VAC14: variants seen among roughly 807,000 people sequenced by gnomAD.
The protein encoded by VAC14 is VAC14 component of PIKFYVE complex, also known as protein VAC14 homolog.
In VAC14, 47 loss-of-function variants were observed where a neutral mutation model predicts 85.3. The ratio of observed to expected loss-of-function variants is 0.55; its 90% CI spans 0.44 to 0.70. VAC14 has a LOEUF of 0.70. Among genes scored for constraint, VAC14 ranks in the 30% least tolerant of loss-of-function variants. The pLI, the probability that VAC14 is intolerant of heterozygous loss-of-function variation, is 0.00. For synonymous variants in VAC14, 447 were observed against 430.5 expected (o/e 1.04, Z -0.47); for missense variants, 861 against 1,004.3 (o/e 0.86, Z 1.93).
chr16:70,691,598 C>T (rs2053597354), intron 18 of VAC14: 1 of 985,366 alleles, frequency 1.0e-6, no homozygotes, highest in Non-Finnish European at 1.2e-6. Context: ...CCTGGCAGCA[C>T]CCTGAGCAGC....
In VAC14 at chr16:70,786,311, G is replaced by T. The variant is rs1181750716; in HGVS notation, c.159C>A (p.Ile53=). The part of the protein sequence containing the change: ...QNNTVQIKHV[I]QTLSQEFALS... ...GGGCAAACTCCTGGGACAGGGTCTG[G>T]ATCACATGCTTGATTTGCACGGTAT... Residue 53 remains isoleucine, a synonymous_variant, in exon 2 of 19, where the codon ATC becomes ATA. Coordinates refer to ENST00000261776, the MANE Select transcript of VAC14 (RefSeq NM_018052.5). 1.9e-6 allele frequency: 3 copies of T among 1,614,116 alleles called. No homozygotes were observed. Among genetic ancestry groups the T allele is most frequent in the Non-Finnish European group, 2.5e-6 (3 of 1,180,052 alleles).
At chr16:70,761,130 T>C (rs1198362929) in intron 12 of VAC14, 4 of 454,356 alleles carry the variant, frequency 8.8e-6, no homozygotes, top group East Asian at 7.0e-5. Flanking sequence ...GGTTGATACC[T>C]GCCTGTCCAT....
At chr16:70,799,145 A>G (rs890252381) in intron 1 of VAC14, among the ~76,000 whole-genome samples, 5 of 152,344 alleles carry the variant, frequency 3.3e-5, no homozygotes, top group African/African-American at 1.2e-4. Flanking sequence ...TCAAGCTACA[A>G]TAAAACCGGA....
chr16:70,712,053 G>A (rs1163945940), intron 14 of VAC14, among the ~76,000 whole-genome samples: 5 of 152,120 alleles, frequency 3.3e-5, no homozygotes, highest in African/African-American at 1.2e-4. Context: ...TGGAAGGGGA[G>A]GGGTTCTCCT....
At position 70,688,063 on chromosome 16, in the gene VAC14, G is replaced by A. The variant is rs1228347581; in HGVS notation, c.2214C>T (p.Ser738=). ...TEDSLKAAPK[S]QKADSPSIDY... ...CGATGCTAGGGGAGTCAGCTTTCTG[G>A]GACTTGGGGGCTGCCTTTAGACTGT... Residue 738 remains serine (S), a synonymous_variant, in exon 19 of 19, where the codon TCC becomes TCT. Coordinates refer to ENST00000261776, the MANE Select transcript of VAC14 (RefSeq NM_018052.5). The A allele has an allele frequency of 6.3e-7, 1 of 1,592,814 alleles. No individual in the cohort carries two copies. Among genetic ancestry groups the A allele is most frequent in the Non-Finnish European group, 8.6e-7 (1 of 1,167,360 alleles).
intron 12 of VAC14, chr16:70,747,006 C>T (rs188509637): frequency 3.9e-5 from 6 of 152,286 alleles, no homozygotes; most frequent in Non-Finnish European, 8.8e-5. Flanking sequence ...GAACTGCAAA[C>T]GTCTGTGCAC....
At chr16:70,714,933 C>G (rs2054128502) in intron 14 of VAC14, 1 of 152,398 alleles carries the variant, frequency 6.6e-6, no homozygotes, top group Non-Finnish European at 1.5e-5. Context: ...CCCTGGGCCC[C>G]ACTTCCCTCC....
intron 14 of VAC14, among the ~76,000 whole-genome samples, chr16:70,706,271 CAG>C (rs1283534690): frequency 6.6e-6 from 1 of 152,224 alleles, no homozygotes; most frequent in Admixed American, 6.5e-5. Flanking sequence ...CCAGGTCCCT[CAG>C]AGGCTGGGCT....
chr16:70,780,972 T>C (rs2143241222), intron 8 of VAC14, 33 bp from the exon 9 acceptor site: 1 of 1,612,476 alleles, frequency 6.2e-7, no homozygotes, highest in Non-Finnish European at 8.5e-7. Context: ...CGTGATCTGA[T>C]TTGGATGCCT....
At chr16:70,695,415 G>A in intron 17 of VAC14, 129 bp downstream of exon 17, 1 of 872,824 alleles carries the variant, frequency 1.1e-6, no homozygotes, top group Non-Finnish European at 1.8e-6. Flanking sequence ...CATTCCAGAA[G>A]CTTCCCTGGG....
At chr16:70,703,707 G>A (rs1461167466) in intron 14 of VAC14, among the ~76,000 whole-genome samples, 4 of 152,178 alleles carry the variant, frequency 2.6e-5, no homozygotes, top group African/African-American at 4.8e-5. Context: ...TGCTGGGGGC[G>A]GGACCAGCTT....
At chr16:70,688,621 C>T in intron 18 of VAC14, 1 of 985,562 alleles carries the variant, frequency 1.0e-6, no homozygotes, top group Non-Finnish European at 1.2e-6. Flanking sequence ...ACTCACTGTC[C>T]CTGGGAGGAG....
chr16:70,788,562 A>G (rs1012958917), intron 1 of VAC14, among the ~76,000 whole-genome samples: 1 of 152,210 alleles, frequency 6.6e-6, no homozygotes, highest in African/African-American at 2.4e-5. Flanking sequence ...GGATGGTTCT[A>G]CATCAACTTG....
rs1256246080 is a variant in VAC14 at position 70,763,004 on chromosome 16, G to A, written c.1182C>T (p.Thr394=). ...TAASTERAPV[T]LHLDGIVQVL... is the part of the protein sequence containing the mutation. ...CCTGCACGATCCCGTCGAGGTGAAG[G>A]GTCACTGGGGCTCTTTCAGTGCTGT... Residue 394 remains threonine, a synonymous_variant, in exon 11 of 19, where the codon ACC becomes ACT. Coordinates refer to ENST00000261776, the MANE Select transcript of VAC14 (RefSeq NM_018052.5). 2 of 1,614,220 alleles carry A rather than the reference G, an allele frequency of 1.2e-6. No homozygotes were observed.
chr16:70,772,010 G>T, intron 10 of VAC14, 99 bp downstream of exon 10: 1 of 1,101,986 alleles, frequency 9.1e-7, no homozygotes, highest in Non-Finnish European at 1.4e-6. Flanking sequence ...GCAGCCGCGA[G>T]TAGAATTTGC....
At chr16:70,739,410 G>A (rs926877221) in intron 13 of VAC14, among the ~76,000 whole-genome samples, 14 of 152,240 alleles carry the variant, frequency 9.2e-5, no homozygotes, top group African/African-American at 3.4e-4. Context: ...GCCGTGGCCT[G>A]AGGCCAGGAA....
At chr16:70,695,818 A>T in intron 16 of VAC14, 195 bp from the exon 17 acceptor site, 1 of 546,790 alleles carries the variant, frequency 1.8e-6, no homozygotes, top group East Asian at 3.0e-5. Context: ...TCCCCTGTTC[A>T]GGAGTTCCAG....
intron 3 of VAC14, 54 bp downstream of exon 3, chr16:70,785,648 G>A (rs2034013319): frequency 2.0e-6 from 3 of 1,502,716 alleles, no homozygotes; most frequent in African/African-American, 1.4e-5. Flanking sequence ...AGAAGGTCAA[G>A]TGAGGTGGGG....
At chr16:70,713,934 T>A (rs2054092783) in intron 14 of VAC14, 1 of 152,238 alleles carries the variant, frequency 6.6e-6, no homozygotes, top group South Asian at 2.1e-4. Context: ...GGCCTGTGTA[T>A]ACGTGGAGAA....
Sources: allele counts gnomAD v4.1 joint callset (sites outside exome capture counted in the v4.1 genomes callset), GRCh38; gene constraint gnomAD v4.1.1; transcripts MANE v1.5; gene names NCBI Gene and HGNC (gene_info 2026-07-23, HGNC 2026-07-21).